The following CNTN4 variants were observed in gnomAD, a reference collection of about 807,000 sequenced individuals.
CNTN4 encodes contactin 4, also known as contactin-4.
CNTN4 carries 77 observed loss-of-function variants against 122.5 expected under a neutral mutation model. That is an observed-to-expected ratio of 0.63 (90% CI 0.52 to 0.76). CNTN4 has a LOEUF of 0.76. Ranked by LOEUF, CNTN4 falls within the 30% of genes least tolerant of loss-of-function variation. The pLI, the probability that CNTN4 is intolerant of heterozygous loss-of-function variation, is 0.00. For missense variants in CNTN4, 1,256 were observed against 1,259.1 expected, an observed-to-expected ratio of 1.00 and a Z score of 0.04; for synonymous variants, 512 against 447.0, an observed-to-expected ratio of 1.15 and a Z score of -1.83.
chr3:2,439,402 T>A (rs1436850645), intron 3 of CNTN4, among the ~76,000 whole-genome samples: 2 of 152,220 alleles, frequency 1.3e-5, no homozygotes, highest in East Asian at 3.8e-4. Flanking sequence ...CTTTTTACTT[T>A]ATTTTATTTT....
chr3:2,148,829 CAA>C (rs10588217), intron 2 of CNTN4, among the ~76,000 whole-genome samples: 38,740 of 151,724 alleles, frequency 0.26, 5,305 homozygotes, highest in South Asian at 0.46. Flanking sequence ...CAGAGACAAG[CAA>C]AAGTCAAGGA....
At chr3:2,445,621 G>GA (rs1033998384) in intron 3 of CNTN4, among the ~76,000 whole-genome samples, 6 of 152,058 alleles carry the variant, frequency 3.9e-5, no homozygotes, top group Admixed American at 2.6e-4. Context: ...TAAGCTCAAA[G>GA]AAAACATGGA....
chr3:2,963,831 T>C (rs866981221), intron 13 of CNTN4, among the ~76,000 whole-genome samples: 1 of 152,214 alleles, frequency 6.6e-6, no homozygotes, highest in East Asian at 1.9e-4. Context: ...AGTAATGGCA[T>C]TATTTGTCTT....
intron 4 of CNTN4, among the ~76,000 whole-genome samples, chr3:2,718,049 T>A (rs1001104488): frequency 3.9e-5 from 6 of 152,184 alleles, no homozygotes; most frequent in South Asian, 2.1e-4. Flanking sequence ...TCTTTTCATA[T>A]GTTGAATACT....
chr3:2,897,457 T>G (rs2094127969), intron 10 of CNTN4, among the ~76,000 whole-genome samples: 1 of 152,178 alleles, frequency 6.6e-6, no homozygotes, highest in South Asian at 2.1e-4. Context: ...AAAAGACATT[T>G]AGAAATGGCT....
At chr3:2,493,367 G>A (rs770794830) in intron 3 of CNTN4, among the ~76,000 whole-genome samples, 3 of 151,816 alleles carry the variant, frequency 2.0e-5, no homozygotes, top group Non-Finnish European at 4.4e-5. Flanking sequence ...ATAAGGTAGT[G>A]AGATAATATT....
At chr3:2,435,106 T>C (rs2048213653) in intron 3 of CNTN4, among the ~76,000 whole-genome samples, 1 of 152,204 alleles carries the variant, frequency 6.6e-6, no homozygotes, top group Admixed American at 6.6e-5. Context: ...AATACTAAAG[T>C]GAATATCCTG....
chr3:2,651,399 A>G (rs1156238695), intron 4 of CNTN4, among the ~76,000 whole-genome samples: 1 of 152,216 alleles, frequency 6.6e-6, no homozygotes, highest in Non-Finnish European at 1.5e-5. Context: ...CACCAAGGAC[A>G]CCACATAGGT....
intron 4 of CNTN4, among the ~76,000 whole-genome samples, chr3:2,632,335 G>A (rs771094022): frequency 7.2e-5 from 11 of 151,978 alleles, no homozygotes; most frequent in Admixed American, 1.3e-4. Flanking sequence ...ATGACATTTC[G>A]GTAAACCCAA....
In CNTN4 at chr3:2,587,378, A is replaced by G. The variant is rs1432979606; in HGVS notation, c.55+15820A>G. Among the ~76,000 whole-genome samples, 3 of 152,184 alleles carry G rather than the reference A, an allele frequency of 2.0e-5. No homozygotes were observed. The East Asian group carries it at 5.8e-4, about 29-fold the overall frequency. ...ATATTCTGTATAGAATTTTGTTGGG[A>G]AGTTATGAAGTACTGATAAGACAGG... On this transcript the variant is annotated intron_variant, in intron 4 of 24. Coordinates refer to ENST00000418658, the MANE Select transcript of CNTN4 (RefSeq NM_175607.3).
At chr3:2,196,916 T>G (rs1394402835) in intron 2 of CNTN4, among the ~76,000 whole-genome samples, 1 of 151,762 alleles carries the variant, frequency 6.6e-6, no homozygotes, top group Non-Finnish European at 1.5e-5. Flanking sequence ...TGGTGGTGCA[T>G]GCCTGTAATC....
rs180836940 is a variant in CNTN4 at position 2,582,054 on chromosome 3, T to C, written c.55+10496T>C. 1.4e-4 allele frequency among the ~76,000 whole-genome samples: 22 copies of C among 152,334 alleles called. No homozygotes were observed. In the East Asian group the frequency reaches 2.7e-3, roughly 19 times the overall value. On this transcript the variant is annotated intron_variant, in intron 4 of 24. Coordinates refer to ENST00000418658, the MANE Select transcript of CNTN4 (RefSeq NM_175607.3). ...ATGTCTTTTTAGGCTGATGAAAATA[T>C]TCTGGCATTAGAAAGCGGTGATGGT...
At chr3:2,506,681 A>G (rs1022583962) in intron 3 of CNTN4, among the ~76,000 whole-genome samples, 5 of 152,228 alleles carry the variant, frequency 3.3e-5, no homozygotes, top group African/African-American at 9.6e-5. Flanking sequence ...CAGAATCCTG[A>G]TAGAGGAACA....
intron 6 of CNTN4, among the ~76,000 whole-genome samples, chr3:2,757,812 C>T (rs1268672568): frequency 6.6e-6 from 1 of 152,140 alleles, no homozygotes; most frequent in Non-Finnish European, 1.5e-5. Context: ...TTCCCAAGAA[C>T]TAAATTATTC....
At chr3:2,430,869 A>G (rs923185951) in intron 3 of CNTN4, among the ~76,000 whole-genome samples, 3 of 152,188 alleles carry the variant, frequency 2.0e-5, no homozygotes, top group Non-Finnish European at 4.4e-5. Flanking sequence ...CAAATTATGC[A>G]ACAGACTTAT....
chr3:2,337,770 T>C (rs1244186392), intron 2 of CNTN4, among the ~76,000 whole-genome samples: 1 of 151,976 alleles, frequency 6.6e-6, no homozygotes, highest in East Asian at 1.9e-4. Context: ...AGAAAAAATA[T>C]ATATGACAAA....
At chr3:2,727,577 C>T (rs534816519) in intron 4 of CNTN4, among the ~76,000 whole-genome samples, 13 of 152,320 alleles carry the variant, frequency 8.5e-5, no homozygotes, top group Non-Finnish European at 1.6e-4. Flanking sequence ...TTCTTTTCCA[C>T]GCCTAAAAAT....
intron 3 of CNTN4, among the ~76,000 whole-genome samples, chr3:2,500,290 C>A (rs13070901): frequency 0.098 from 14,899 of 152,016 alleles, 947 homozygotes; most frequent in Middle Eastern, 0.15. Context: ...CTTCTTTTCA[C>A]CCTTAAAAAT....
At chr3:2,368,025 A>ACTT in intron 3 of CNTN4, among the ~76,000 whole-genome samples, 2 of 133,686 alleles carry the variant, frequency 1.5e-5, no homozygotes, top group African/African-American at 6.1e-5. Flanking sequence ...CAGCTAGAAA[A>ACTT]CTTCTTTTTT....
Sources: gnomAD v4.1 joint callset for allele counts (sites outside exome capture counted in the v4.1 genomes callset) on GRCh38, gnomAD v4.1.1 for gene constraint, MANE v1.5 for transcripts, NCBI Gene and HGNC (gene_info 2026-07-23, HGNC 2026-07-21) for gene names.